Variants in CDH18 observed in about 807,000 individuals in gnomAD.
The protein encoded by CDH18 is cadherin-18.
In CDH18, 31 loss-of-function variants were observed where a neutral mutation model predicts 67.9. The observed-to-expected ratio is 0.46, with a 90% confidence interval of 0.34 to 0.62. The LOEUF is 0.62. Among genes scored for constraint, CDH18 ranks in the 20% least tolerant of loss-of-function variants. CDH18 has a pLI of 0.01. For missense variants in CDH18, 890 were observed against 975.5 expected, an observed-to-expected ratio of 0.91 and a Z score of 1.17; for synonymous variants, 362 against 347.2, an observed-to-expected ratio of 1.04 and a Z score of -0.48.
intron 1 of CDH18, among the ~76,000 whole-genome samples, chr5:20,430,995 T>C (rs1748691512): frequency 6.6e-6 from 1 of 152,288 alleles, no homozygotes; most frequent in South Asian, 2.1e-4. Flanking sequence ...TTATACTTGT[T>C]AATGTAACCC....
At chr5:19,607,246 A>C (rs567351016) in intron 6 of CDH18, among the ~76,000 whole-genome samples, 1 of 151,722 alleles carries the variant, frequency 6.6e-6, no homozygotes, top group Non-Finnish European at 1.5e-5. Flanking sequence ...AGAAATAAAT[A>C]GTACCAGGAA....
At chr5:20,209,334 C>A (rs1740165701) in intron 2 of CDH18, among the ~76,000 whole-genome samples, 1 of 151,836 alleles carries the variant, frequency 6.6e-6, no homozygotes, top group African/African-American at 2.4e-5. Flanking sequence ...ACAAAATAGC[C>A]AAAATATGGA....
chr5:20,089,187 T>G (rs1387756774), intron 2 of CDH18, among the ~76,000 whole-genome samples: 2 of 152,178 alleles, frequency 1.3e-5, no homozygotes, highest in African/African-American at 2.4e-5. Flanking sequence ...TTATACTTAA[T>G]TACAAATATA....
intron 2 of CDH18, among the ~76,000 whole-genome samples, chr5:20,174,269 G>A (rs1737060025): frequency 6.6e-6 from 1 of 152,112 alleles, no homozygotes; most frequent in Non-Finnish European, 1.5e-5. Flanking sequence ...ATTTAAATAA[G>A]GATCTGTAGA....
At chr5:19,670,269 T>C (rs1351117542) in intron 5 of CDH18, among the ~76,000 whole-genome samples, 2 of 151,980 alleles carry the variant, frequency 1.3e-5, no homozygotes, top group Non-Finnish European at 2.9e-5. Flanking sequence ...TGGCATAAGG[T>C]AAATGAAGAG....
intron 2 of CDH18, among the ~76,000 whole-genome samples, chr5:19,925,735 C>G (rs769820883): frequency 5.3e-5 from 8 of 152,110 alleles, no homozygotes; most frequent in Non-Finnish European, 1.0e-4. Flanking sequence ...ATCCACCCAC[C>G]TCAGCCTCCC....
intron 2 of CDH18, among the ~76,000 whole-genome samples, chr5:20,213,902 A>T (rs1235802221): frequency 6.6e-6 from 1 of 152,090 alleles, no homozygotes; most frequent in Non-Finnish European, 1.5e-5. Context: ...CTGAAAGAGC[A>T]CTGAAATAGA....
intron 2 of CDH18, among the ~76,000 whole-genome samples, chr5:19,880,089 G>A (rs992120562): frequency 1.3e-5 from 2 of 151,776 alleles, no homozygotes; most frequent in Admixed American, 1.3e-4. Flanking sequence ...TATGAACCAG[G>A]CTTCTATTTT....
intron 3 of CDH18, among the ~76,000 whole-genome samples, chr5:19,837,298 A>G (rs754219671): frequency 2.6e-5 from 4 of 152,114 alleles, no homozygotes; most frequent in Non-Finnish European, 4.4e-5. Flanking sequence ...TAGGAGAAAT[A>G]TCTAATGTAG....
intron 5 of CDH18, among the ~76,000 whole-genome samples, chr5:19,684,484 T>C (rs1760783414): frequency 6.6e-6 from 1 of 150,590 alleles, no homozygotes; most frequent in Non-Finnish European, 1.5e-5. Flanking sequence ...TATAACTAAA[T>C]TTATATGTAT....
At chr5:20,269,426 T>C (rs1745275412) in intron 1 of CDH18, among the ~76,000 whole-genome samples, 1 of 152,154 alleles carries the variant, frequency 6.6e-6, no homozygotes, top group African/African-American at 2.4e-5. Context: ...CACTCCTGTG[T>C]TTATCACAGC....
chr5:20,102,259 C>T (rs187956844), intron 2 of CDH18, among the ~76,000 whole-genome samples: 22 of 150,912 alleles, frequency 1.5e-4, no homozygotes, highest in African/African-American at 4.6e-4. Flanking sequence ...TGTGTATTCA[C>T]GATTGAGCTG....
intron 2 of CDH18, among the ~76,000 whole-genome samples, chr5:19,888,154 C>T (rs1244346806): frequency 6.6e-6 from 1 of 152,060 alleles, no homozygotes; most frequent in African/African-American, 2.4e-5. Context: ...AGCCCTCTAC[C>T]CTTTTCTTCT....
chr5:20,385,586 G>T (rs1744253154), intron 1 of CDH18, among the ~76,000 whole-genome samples: 3 of 152,126 alleles, frequency 2.0e-5, no homozygotes, highest in Admixed American at 1.3e-4. Context: ...AAAACGTTAT[G>T]GCTCCCAGGC....
At chr5:20,123,886 C>CAAAAAAAAAAAA in intron 2 of CDH18, among the ~76,000 whole-genome samples, 1 of 87,240 alleles carries the variant, frequency 1.1e-5, no homozygotes, top group Non-Finnish European at 2.3e-5. Flanking sequence ...GACTCCGTCT[C>CAAAAAAAAAAAA]AAAAAAAAAA....
chr5:20,546,071 G>A (rs917287997), intron 1 of CDH18, among the ~76,000 whole-genome samples: 4 of 152,038 alleles, frequency 2.6e-5, no homozygotes, highest in Non-Finnish European at 4.4e-5. Flanking sequence ...CAGATCTCTA[G>A]GGTGGGGGCA....
At chr5:19,619,422 G>A (rs193086615) in intron 5 of CDH18, among the ~76,000 whole-genome samples, 1 of 152,264 alleles carries the variant, frequency 6.6e-6, no homozygotes, top group East Asian at 1.9e-4. Context: ...TGAATGAAGA[G>A]TACCTGTGGG....
chr5:19,522,096 G>A (rs1023333879), intron 9 of CDH18, among the ~76,000 whole-genome samples: 1 of 151,870 alleles, frequency 6.6e-6, no homozygotes, highest in Non-Finnish European at 1.5e-5. Flanking sequence ...AGACGGAAGA[G>A]GTACAGAAAA....
At chr5:20,323,740 C>T (rs935716714) in intron 1 of CDH18, among the ~76,000 whole-genome samples, 3 of 152,114 alleles carry the variant, frequency 2.0e-5, no homozygotes. Context: ...GCATTTTGTT[C>T]TCTAAGTGCT....
Sources: allele counts gnomAD v4.1 joint callset (sites outside exome capture counted in the v4.1 genomes callset), GRCh38; gene constraint gnomAD v4.1.1; transcripts MANE v1.5; gene names NCBI Gene and HGNC (gene_info 2026-07-23, HGNC 2026-07-21).